The following SOX5 variants were observed in gnomAD, a reference collection of about 807,000 sequenced individuals.
SOX5 encodes transcription factor SOX-5.
SOX5 carries 9 observed loss-of-function variants against 92.0 expected under a neutral mutation model. That is an observed-to-expected ratio of 0.10 (90% confidence interval 0.06 to 0.17). The LOEUF (loss-of-function observed/expected upper bound fraction) is 0.17. Among genes scored for constraint, SOX5 ranks in the 10% least tolerant of loss-of-function variants. The pLI, the probability that SOX5 is intolerant of heterozygous loss-of-function variation, is 1.00. For synonymous variants in SOX5, 344 were observed against 336.3 expected, an observed-to-expected ratio of 1.02 and a Z score of -0.25; for missense variants, 642 against 944.5, an observed-to-expected ratio of 0.68 and a Z score of 4.20.
In SOX5 at chr12:23,604,381, G is replaced by A. The variant is rs201369586; in HGVS notation, c.1164+6C>T. The A allele has an allele frequency of 1.0e-4, 164 of 1,613,432 alleles. 1 individual carries two copies. In the African/African-American group the frequency reaches 1.9e-3, roughly 19 times the overall value. On this transcript the variant is annotated splice_donor_region_variant and intron_variant, in intron 9 of 14. Transcript: ENST00000451604. Reference sequence around the variant, plus strand: ...TGGCAAGACAGTGGCTTCTTCAAAAGGGTACCTTGCTTTTGGGTGGTGGGC... The same window carrying A: ...TGGCAAGACAGTGGCTTCTTCAAAAAGGTACCTTGCTTTTGGGTGGTGGGC...
intron 4 of SOX5, among the ~76,000 whole-genome samples, chr12:24,190,241 C>A (rs568644610): frequency 6.6e-6 from 1 of 151,998 alleles, no homozygotes; most frequent in Non-Finnish European, 1.5e-5. Context: ...GAAATGGATC[C>A]GCTAGAGAAA....
chr12:23,975,595 A>C (rs1267486606), intron 4 of SOX5, among the ~76,000 whole-genome samples: 1 of 152,176 alleles, frequency 6.6e-6, no homozygotes, highest in Non-Finnish European at 1.5e-5. Flanking sequence ...TGATTAAGCC[A>C]TGGGATCTAG....
intron 4 of SOX5, among the ~76,000 whole-genome samples, chr12:24,134,385 A>C (rs1359237422): frequency 6.6e-6 from 1 of 152,192 alleles, no homozygotes; most frequent in Admixed American, 6.6e-5. Context: ...CTTAATTTTA[A>C]AGATTGCAGG....
intron 2 of SOX5, among the ~76,000 whole-genome samples, chr12:24,365,173 C>T (rs73289739): frequency 0.076 from 11,624 of 151,998 alleles, 593 homozygotes; most frequent in African/African-American, 0.15. Flanking sequence ...CACACTGTAA[C>T]GTCTTTATTT....
chr12:23,561,109 G>A (rs1946123079), intron 11 of SOX5, among the ~76,000 whole-genome samples: 1 of 152,144 alleles, frequency 6.6e-6, no homozygotes, highest in South Asian at 2.1e-4. Context: ...TGATCATCTT[G>A]AGAACAGAGA....
At chr12:24,367,321 A>G (rs1956273479) in intron 2 of SOX5, among the ~76,000 whole-genome samples, 1 of 152,194 alleles carries the variant, frequency 6.6e-6, no homozygotes, top group Admixed American at 6.5e-5. Flanking sequence ...ATTCAAAGAA[A>G]TGCCACGCTA....
intron 2 of SOX5, among the ~76,000 whole-genome samples, chr12:24,366,919 T>C (rs61912572): frequency 0.064 from 9,684 of 151,320 alleles, 404 homozygotes; most frequent in Non-Finnish European, 0.097. Context: ...AGAAAGCAAA[T>C]GGGTAGAGGA....
intron 4 of SOX5, among the ~76,000 whole-genome samples, chr12:24,038,098 C>T (rs1028344050): frequency 2.0e-5 from 3 of 152,128 alleles, no homozygotes; most frequent in Admixed American, 2.0e-4. Context: ...CTCTATAAAT[C>T]GTACAGTTTC....
At chr12:24,273,445 C>T (rs1022502174) in intron 3 of SOX5, among the ~76,000 whole-genome samples, 5 of 152,082 alleles carry the variant, frequency 3.3e-5, no homozygotes, top group Non-Finnish European at 5.9e-5. Context: ...GAAATGTTCC[C>T]ATTCATCCAA....
rs1011888430 is a variant in SOX5 at position 23,597,490 on chromosome 12, A to C, written c.1164+6897T>G. The stretch of plus-strand genomic sequence containing the variant: ...GAATAAAGATGAAAAGGAGAGGAGG[A>C]GGCTCATCACAGGGGTTCTGTTGAT... On this transcript the variant is annotated intron_variant, in intron 9 of 14. Transcript: ENST00000451604. Among the ~76,000 whole-genome samples the C allele has an allele frequency of 3.9e-5, 6 of 152,216 alleles. No individual in the cohort carries two copies. In the East Asian group the frequency reaches 1.2e-3, roughly 29 times the overall value.
At chr12:24,104,149 C>A (rs1265097322) in intron 4 of SOX5, among the ~76,000 whole-genome samples, 1 of 151,970 alleles carries the variant, frequency 6.6e-6, no homozygotes, top group Admixed American at 6.6e-5. Flanking sequence ...TCATTGTGAA[C>A]ATGCAAGCAA....
intron 2 of SOX5, among the ~76,000 whole-genome samples, chr12:24,288,802 C>T (rs1030288410): frequency 2.0e-5 from 3 of 151,766 alleles, no homozygotes; most frequent in African/African-American, 7.3e-5. Flanking sequence ...CTCCCCACCA[C>T]CTGCACACCA....
intron 1 of SOX5, among the ~76,000 whole-genome samples, chr12:23,932,814 G>T (rs1041629664): frequency 6.6e-6 from 1 of 151,524 alleles, no homozygotes; most frequent in African/African-American, 2.4e-5. Context: ...TTACCATCAT[G>T]ATCTAAAAGT....
intron 1 of SOX5, among the ~76,000 whole-genome samples, chr12:24,491,632 G>A (rs1162089313): frequency 6.6e-6 from 1 of 151,942 alleles, no homozygotes; most frequent in Non-Finnish European, 1.5e-5. Context: ...CCATAAACAA[G>A]AACAAGGAGA....
chr12:23,544,750 C>T (rs1441463892), intron 12 of SOX5, among the ~76,000 whole-genome samples: 1 of 152,196 alleles, frequency 6.6e-6, no homozygotes, highest in Admixed American at 6.5e-5. Context: ...TATATTTTAT[C>T]ATGCTAATAC....
upstream of SOX5, among the ~76,000 whole-genome samples, chr12:23,955,147 A>G (rs1385946651): frequency 1.3e-5 from 2 of 152,104 alleles, no homozygotes; most frequent in Admixed American, 1.3e-4. Flanking sequence ...AAAGGCAATG[A>G]ATTTTAGTTC....
intron 4 of SOX5, among the ~76,000 whole-genome samples, chr12:24,106,219 C>T (rs1946650045): frequency 6.6e-6 from 1 of 151,034 alleles, no homozygotes; most frequent in Non-Finnish European, 1.5e-5. Flanking sequence ...GCCCAACACA[C>T]CAAGTCCTAA....
Position 23,533,147 on chromosome 12 carries a change from C to G in SOX5, c.*1072G>C, listed in dbSNP as rs1258187653. The G allele has an allele frequency of 4.4e-6, 2 of 456,298 alleles. No homozygotes were observed. Among genetic ancestry groups the G allele is most frequent in the African/African-American group, 4.0e-5 (2 of 50,052 alleles). 28.3% of individuals were successfully genotyped at this position (456,298 alleles called of 1,614,324 possible). A position where few individuals can be genotyped will look rare whatever the true frequency, so the allele number is the denominator to read the frequency against. Reference sequence around the variant, plus strand: ...TGCAAAGTCAAGGTCAAGATTATTTCTAGACCAGTCACTTGGGAGGATGTG... The same window carrying G: ...TGCAAAGTCAAGGTCAAGATTATTTGTAGACCAGTCACTTGGGAGGATGTG... On this transcript the variant is annotated 3_prime_UTR_variant, in exon 15 of 15. Coordinates refer to ENST00000451604, the MANE Select transcript of SOX5 (RefSeq NM_006940.6).
chr12:23,926,617 A>G lies in SOX5; in HGVS notation c.38+22947T>C, dbSNP rs111324399. On this transcript the variant is annotated intron_variant, in intron 1 of 14. Coordinates refer to ENST00000451604, the MANE Select transcript of SOX5 (RefSeq NM_006940.6). ...TTATGTTTGGTATATTCAAAATCCT[A>G]TGCTTTTTTTCCTGATAGCAATTCA... 8.3e-3 allele frequency among the ~76,000 whole-genome samples: 1,262 copies of G among 152,194 alleles called. 14 individuals are homozygous for G. Among genetic ancestry groups the G allele is most frequent in the African/African-American group, 0.029 (1,204 of 41,554 alleles).
Sources: allele counts gnomAD v4.1 joint callset (sites outside exome capture counted in the v4.1 genomes callset), GRCh38; gene constraint gnomAD v4.1.1; transcripts MANE v1.5; gene names NCBI Gene and HGNC (gene_info 2026-07-23, HGNC 2026-07-21).